CUL2: variants seen among roughly 807,000 people sequenced by gnomAD.
CUL2 encodes the protein cullin-2.
CUL2 carries 22 observed loss-of-function variants against 110.2 expected under a neutral mutation model. The observed-to-expected ratio is 0.20, with a 90% CI of 0.14 to 0.28. CUL2 has a LOEUF of 0.28. Among genes scored for constraint, CUL2 ranks in the 10% least tolerant of loss-of-function variants. The probability of loss-of-function intolerance (pLI) is 1.00; values close to 1 mark genes in which losing one functional copy is unlikely to be tolerated. For synonymous variants in CUL2, 279 were observed against 293.2 expected, an observed-to-expected ratio of 0.95 and a Z score of 0.49; for missense variants, 631 against 905.5, an observed-to-expected ratio of 0.70 and a Z score of 3.89.
intron 17 of CUL2, among the ~76,000 whole-genome samples, chr10:35,022,631 GAACA>G (rs1306744806): frequency 1.3e-5 from 2 of 152,144 alleles, no homozygotes; most frequent in African/African-American, 4.8e-5. Context: ...AATAAATGGA[GAACA>G]AAAATAAAAT....
At chr10:35,016,505 T>C in intron 17 of CUL2, 111 bp from the exon 18 acceptor site, 1 of 860,552 alleles carries the variant, frequency 1.2e-6, no homozygotes, top group Non-Finnish European at 1.8e-6. Flanking sequence ...TTTTATTAAA[T>C]TGTTGTAAAG....
Position 35,016,290 on chromosome 10 carries a change from T to C in CUL2, c.1789A>G (p.Lys597Glu). ...ATCTGAGTGCTGTCCTGAAGCTCTT[T>C]ATAACTGACAGTTTCACTGTTGTTA... ...AFNNSETVSY[K>E]ELQDSTQMNE... Residue 597 changes from lysine (K) to glutamate (E), a missense_variant, in exon 18 of 21, where the codon AAA becomes GAA. By Grantham distance (56) the Lys-to-Glu change is moderately conservative. This residue lies in a region of CUL2 where 159 missense variants were observed against 202.7 expected (regional missense o/e 0.78). Transcript: ENST00000374749. 6.2e-7 allele frequency: 1 copy of C among 1,614,076 alleles called. No homozygotes were observed. The highest frequency in any genetic ancestry group is 8.5e-7 in the Non-Finnish European group (1 of 1,179,954).
intron 1 of CUL2, among the ~76,000 whole-genome samples, chr10:35,088,239 G>A (rs994127353): frequency 4.6e-5 from 7 of 152,176 alleles, no homozygotes; most frequent in Non-Finnish European, 1.0e-4. Flanking sequence ...GACAGGTGTG[G>A]TGGCTCACGC....
Position 35,061,461 on chromosome 10 carries a change from CAAAAAAA to C in CUL2, c.223-500_223-494del, listed in dbSNP as rs11347736. 5.1e-5 allele frequency among the ~76,000 whole-genome samples: 5 copies of C among 97,356 alleles called. No homozygotes were observed. The Admixed American group carries it at 5.4e-4, about 10-fold the overall frequency. The allele number at this position is 97,356 out of a possible 152,430, so 63.9% of individuals were successfully genotyped here. A position where few individuals can be genotyped will look rare whatever the true frequency, so the allele number is the denominator to read the frequency against. On this transcript the variant is annotated intron_variant, in intron 3 of 20. Coordinates refer to ENST00000374749, the MANE Select transcript of CUL2 (RefSeq NM_003591.4). ...GGTGACAGAGCAAGACTCTGTCTCC[CAAAAAAA>C]AAAAAAAAAATCACACTTATAATGT...
intron 1 of CUL2, among the ~76,000 whole-genome samples, chr10:35,115,280 G>A (rs2087580003): frequency 6.7e-6 from 1 of 150,170 alleles, no homozygotes; most frequent in Admixed American, 6.6e-5. Flanking sequence ...GAGAAAACAA[G>A]GCCAGGTGCA....
At chr10:35,088,499 C>CAA (rs9299718) in intron 1 of CUL2, among the ~76,000 whole-genome samples, 1,022 of 87,776 alleles carry the variant, frequency 0.012, 27 homozygotes, top group African/African-American at 0.027. Flanking sequence ...GACTCCGCCT[C>CAA]AAAAAAAAAA....
At chr10:35,047,446 T>TA (rs757406258) in intron 6 of CUL2, among the ~76,000 whole-genome samples, 4,653 of 134,454 alleles carry the variant, frequency 0.035, 218 homozygotes, top group African/African-American at 0.11. Flanking sequence ...CCGTCTCCAC[T>TA]AAAAAAAAAA....
At chr10:35,033,370 G>A in intron 10 of CUL2, 97 bp from the exon 11 acceptor site, 1 of 788,550 alleles carries the variant, frequency 1.3e-6, no homozygotes, top group Non-Finnish European at 2.1e-6. Flanking sequence ...TTTTCCTCAA[G>A]GAAATTATGT....
In CUL2 at chr10:35,080,285, C is replaced by G. The variant is rs937989604; in HGVS notation, c.-22-8946G>C. Among the ~76,000 whole-genome samples the G allele has an allele frequency of 3.9e-5, 6 of 152,008 alleles. No individual in the cohort carries two copies. The South Asian group carries it at 6.2e-4, about 16-fold the overall frequency. On this transcript the variant is annotated intron_variant, in intron 1 of 20. Transcript: ENST00000374749. Reference sequence around the variant, plus strand: ...TTTTCATCTTGCTGTATCAAATGAGCAAGCCACTGGATGTAACTAAGAATG... The same window carrying G: ...TTTTCATCTTGCTGTATCAAATGAGGAAGCCACTGGATGTAACTAAGAATG...
At chr10:35,030,676 C>T (rs577267749) in intron 14 of CUL2, among the ~76,000 whole-genome samples, 109 of 152,276 alleles carry the variant, frequency 7.2e-4, no homozygotes, top group African/African-American at 2.6e-3. Context: ...AACCACCACA[C>T]CTGGCCAACA....
At chr10:35,035,024 T>A in intron 10 of CUL2, 148 bp downstream of exon 10, 1 of 981,626 alleles carries the variant, frequency 1.0e-6, no homozygotes. Flanking sequence ...TCCAACAAAT[T>A]CTAGGTTTAA....
intron 1 of CUL2, among the ~76,000 whole-genome samples, chr10:35,085,995 A>G (rs965115773): frequency 1.1e-4 from 17 of 152,138 alleles, no homozygotes; most frequent in Non-Finnish European, 4.4e-5. Flanking sequence ...TACCTCCTGA[A>G]TCTAAAATGA....
At chr10:35,049,179 G>A (rs1031593364) in intron 6 of CUL2, among the ~76,000 whole-genome samples, 1 of 152,186 alleles carries the variant, frequency 6.6e-6, no homozygotes, top group Non-Finnish European at 1.5e-5. Context: ...AGGGTAAAAA[G>A]TGTTAACCAC....
At chr10:35,067,376 A>C (rs1277693711) in intron 2 of CUL2, among the ~76,000 whole-genome samples, 1 of 152,168 alleles carries the variant, frequency 6.6e-6, no homozygotes, top group East Asian at 1.9e-4. Context: ...AGCTACTAAA[A>C]GAGAGAAAAC....
intron 1 of CUL2, among the ~76,000 whole-genome samples, chr10:35,102,993 A>T (rs985910609): frequency 6.6e-6 from 1 of 152,180 alleles, no homozygotes; most frequent in African/African-American, 2.4e-5. Context: ...CCTGTCTATT[A>T]TGGGGAAGGG....
At chr10:35,066,218 A>T (rs1038148834) in intron 2 of CUL2, among the ~76,000 whole-genome samples, 1 of 152,194 alleles carries the variant, frequency 6.6e-6, no homozygotes, top group Non-Finnish European at 1.5e-5. Context: ...AAGGTTACCT[A>T]AAAAAATGAA....
At chr10:35,125,861 G>A (rs899733781) in intron 1 of CUL2, among the ~76,000 whole-genome samples, 1 of 152,002 alleles carries the variant, frequency 6.6e-6, no homozygotes. Context: ...ATGGAGCCTC[G>A]CTCTGTCACC....
intron 20 of CUL2, among the ~76,000 whole-genome samples, chr10:35,011,530 C>T (rs1156998989): frequency 6.6e-6 from 1 of 152,014 alleles, no homozygotes; most frequent in Non-Finnish European, 1.5e-5. Context: ...AGGCAGGAGA[C>T]TCACTTGAAC....
chr10:35,017,298 C>T (rs1025754423), intron 17 of CUL2, among the ~76,000 whole-genome samples: 27 of 152,124 alleles, frequency 1.8e-4, no homozygotes, highest in African/African-American at 5.8e-4. Flanking sequence ...CATTCTCTTG[C>T]TGAAAGTTGA....
Sources: allele counts gnomAD v4.1 joint callset (sites outside exome capture counted in the v4.1 genomes callset), GRCh38; gene constraint gnomAD v4.1.1; regional missense constraint gnomAD v4.1.1; transcripts MANE v1.5; gene names NCBI Gene and HGNC (gene_info 2026-07-23, HGNC 2026-07-21).